CAPS2: variants seen among roughly 807,000 people sequenced by gnomAD.
The protein encoded by CAPS2 is calcyphosine 2.
A neutral mutation model predicts 86.5 loss-of-function variants in CAPS2; 98 were observed. The ratio of observed to expected loss-of-function variants is 1.13; its 90% CI spans 0.96 to 1.34. The LOEUF (loss-of-function observed/expected upper bound fraction) is 1.34. Among genes scored for constraint, CAPS2 ranks in the 40% most tolerant of loss-of-function variants. The pLI, the probability that CAPS2 is intolerant of heterozygous loss-of-function variation, is 0.00. For synonymous variants in CAPS2, 210 were observed against 225.1 expected (o/e 0.93, Z 0.60); for missense variants, 729 against 686.8 (o/e 1.06, Z -0.69).
intron 11 of CAPS2, among the ~76,000 whole-genome samples, chr12:75,293,739 C>A (rs2036413215): frequency 6.6e-6 from 1 of 152,166 alleles, no homozygotes; most frequent in Non-Finnish European, 1.5e-5. Context: ...GAAGATTTCT[C>A]ATACTCTTTC....
chr12:75,375,822 C>G (rs892287065), intron 1 of CAPS2, among the ~76,000 whole-genome samples: 1 of 152,172 alleles, frequency 6.6e-6, no homozygotes, highest in Non-Finnish European at 1.5e-5. Flanking sequence ...TTGTCTTTGA[C>G]GGTTGAGTGC....
chr12:75,344,942 G>C (rs1192999262), intron 1 of CAPS2, among the ~76,000 whole-genome samples: 1 of 152,130 alleles, frequency 6.6e-6, no homozygotes, highest in Non-Finnish European at 1.5e-5. Flanking sequence ...TGGAAAGTGA[G>C]AATAGGTCCA....
intron 1 of CAPS2, among the ~76,000 whole-genome samples, chr12:75,382,219 C>A (rs917800797): frequency 5.9e-5 from 9 of 152,084 alleles, no homozygotes; most frequent in African/African-American, 2.2e-4. Flanking sequence ...CAAAATAATA[C>A]ATTTTAGTAT....
intron 7 of CAPS2, among the ~76,000 whole-genome samples, chr12:75,311,700 G>GAAAAAAAAAAAAAAAAAA: frequency 1.5e-4 from 1 of 6,702 alleles, no homozygotes; most frequent in Non-Finnish European, 3.9e-4. Flanking sequence ...AGCCATGCAG[G>GAAAAAAAAAAAAAAAAAA]AAAAAAAAAA....
At chr12:75,314,519 G>A (rs889182066) in intron 6 of CAPS2, among the ~76,000 whole-genome samples, 12 of 152,012 alleles carry the variant, frequency 7.9e-5, no homozygotes, top group Non-Finnish European at 1.5e-4. Context: ...TACATCTTGT[G>A]TCACTCTCTA....
upstream of CAPS2, among the ~76,000 whole-genome samples, chr12:75,328,994 G>C (rs1217177696): frequency 1.3e-5 from 2 of 152,116 alleles, no homozygotes; most frequent in Admixed American, 1.3e-4. Context: ...ATTTTGACAG[G>C]GCTTCAAAGA....
rs546620456 is a variant in CAPS2 at position 75,384,874 on chromosome 12, T to C, written c.-395+5964A>G. Reference sequence around the variant, plus strand: ...TTTCCCCTCCAAATTCATGTTAAAATTTAATTTCCATTGAGGCAGTATTGA... The same window carrying C: ...TTTCCCCTCCAAATTCATGTTAAAACTTAATTTCCATTGAGGCAGTATTGA... On this transcript the variant is annotated intron_variant, in intron 1 of 5. Transcript: ENST00000551829. Among the ~76,000 whole-genome samples, 51 of 152,344 alleles carry C rather than the reference T, an allele frequency of 3.3e-4. No individual in the cohort carries two copies. The South Asian group carries it at 0.01, about 30-fold the overall frequency.
chr12:75,358,863 AACATATATAATATATAATTATATATATT>A (rs1199034995), intron 1 of CAPS2, among the ~76,000 whole-genome samples: 3 of 144,742 alleles, frequency 2.1e-5, no homozygotes. Flanking sequence ...ATATGGTTTA[AACATATATAATATATAATTATATATATT>A]ACATATAATT....
intron 1 of CAPS2, among the ~76,000 whole-genome samples, chr12:75,335,318 A>T (rs1285636379): frequency 6.6e-6 from 1 of 152,178 alleles, no homozygotes; most frequent in African/African-American, 2.4e-5. Context: ...TTTTTATATC[A>T]TATGAATCCA....
chr12:75,386,519 A>G (rs2045301085), intron 1 of CAPS2, among the ~76,000 whole-genome samples: 1 of 152,110 alleles, frequency 6.6e-6, no homozygotes, highest in African/African-American at 2.4e-5. Context: ...TCAATATTTT[A>G]CCAATCCTGT....
At chr12:75,365,783 G>A (rs973406559) in intron 1 of CAPS2, among the ~76,000 whole-genome samples, 1 of 152,030 alleles carries the variant, frequency 6.6e-6, no homozygotes, top group Admixed American at 6.6e-5. Flanking sequence ...CCTATGAATT[G>A]TGGGTGTTTA....
intron 1 of CAPS2, chr12:75,369,837 CT>C: frequency 7.5e-7 from 1 of 1,325,918 alleles, no homozygotes; most frequent in Non-Finnish European, 9.6e-7. Context: ...GTTTCATTTT[CT>C]TGTTAAAAAG....
chr12:75,276,930 G>A, downstream of CAPS2: 1 of 984,590 alleles, frequency 1.0e-6, no homozygotes, highest in Non-Finnish European at 1.2e-6. Context: ...TGTTGTGGAT[G>A]TTTGAAATGT....
chr12:75,365,829 T>A (rs1047082050), intron 1 of CAPS2, among the ~76,000 whole-genome samples: 4 of 151,954 alleles, frequency 2.6e-5, no homozygotes, highest in Non-Finnish European at 5.9e-5. Flanking sequence ...TATATGAGTA[T>A]TTTACCAATA....
At position 75,289,946 on chromosome 12, in the gene CAPS2, C is replaced by T. The variant is rs553028978; in HGVS notation, c.1241-171G>A. Among the ~76,000 whole-genome samples, 16 of 152,238 alleles carry T rather than the reference C, an allele frequency of 1.1e-4. No homozygotes were observed. The South Asian group carries it at 2.9e-3, about 28-fold the overall frequency. On this transcript the variant is annotated intron_variant, in intron 13 of 16. Transcript: ENST00000393284. The stretch of plus-strand genomic sequence containing the variant: ...CTTTGGAAAATAGGATGTTTTTAAT[C>T]AAGAGGATTAAACATAAAATCACAT...
intron 1 of CAPS2, among the ~76,000 whole-genome samples, chr12:75,361,809 T>G (rs960228103): frequency 2.6e-5 from 4 of 152,098 alleles, no homozygotes; most frequent in Non-Finnish European, 5.9e-5. Flanking sequence ...CTCCCTAAAC[T>G]TGGGGCTTAC....
chr12:75,330,112 T>A, upstream of CAPS2: 1 of 371,742 alleles, frequency 2.7e-6, no homozygotes, highest in Non-Finnish European at 4.8e-6. Context: ...CACTCTGACC[T>A]CCAGGGACGA....
intron 7 of CAPS2, among the ~76,000 whole-genome samples, chr12:75,309,333 C>T (rs2038888892): frequency 6.6e-6 from 1 of 152,234 alleles, no homozygotes; most frequent in Admixed American, 6.5e-5. Flanking sequence ...CTTTGCTTCG[C>T]TATCTGCGTG....
intron 1 of CAPS2, among the ~76,000 whole-genome samples, chr12:75,357,099 A>T (rs1224690687): frequency 3.3e-5 from 5 of 152,204 alleles, no homozygotes; most frequent in Admixed American, 2.6e-4. Context: ...CTGAGGTGGT[A>T]GTATAAGTAA....
Sources: gnomAD v4.1 joint callset for allele counts (sites outside exome capture counted in the v4.1 genomes callset) on GRCh38, gnomAD v4.1.1 for gene constraint, MANE v1.5 for transcripts, NCBI Gene and HGNC (gene_info 2026-07-23, HGNC 2026-07-21) for gene names.